The following SPATA17 variants were observed in gnomAD, a reference collection of about 807,000 sequenced individuals.
SPATA17 encodes spermatogenesis associated 17.
In SPATA17, 53 loss-of-function variants were observed where a neutral mutation model predicts 62.2. That is an observed-to-expected ratio of 0.85 (90% CI 0.68 to 1.07). SPATA17 has a LOEUF of 1.07. SPATA17 is among the 50% of genes least tolerant of loss of function. The pLI is 0.00. For missense variants in SPATA17, 466 were observed against 425.5 expected, an observed-to-expected ratio of 1.10 and a Z score of -0.84; for synonymous variants, 146 against 146.8, an observed-to-expected ratio of 0.99 and a Z score of 0.04.
intron 5 of SPATA17, among the ~76,000 whole-genome samples, chr1:217,738,233 T>G (rs2102945700): frequency 6.6e-6 from 1 of 152,326 alleles, no homozygotes; most frequent in East Asian, 1.9e-4. Context: ...TTTGCATGGT[T>G]CTTTTCTGTC....
At chr1:217,771,010 C>CTTTTTTTTTT (rs1673431947) in intron 6 of SPATA17, among the ~76,000 whole-genome samples, 2 of 8,318 alleles carry the variant, frequency 2.4e-4, no homozygotes, top group African/African-American at 7.7e-4. Context: ...TTTTTTTTTG[C>CTTTTTTTTTT]CTTTTGACGA....
rs539000189 is a variant in SPATA17, at chr1:217,856,622, C to T, written c.1006-6152C>T. ...AAATTTTTTTCTCTGGGAACATGTA[C>T]ACATGGTTTGATTGAAGAATGCATA... On this transcript the variant is annotated intron_variant, in intron 9 of 10. Coordinates refer to ENST00000366933, the MANE Select transcript of SPATA17 (RefSeq NM_138796.4). Among the ~76,000 whole-genome samples the T allele has an allele frequency of 5.3e-5, 8 of 152,308 alleles. No homozygotes were observed. In the South Asian group the frequency reaches 1.7e-3, roughly 32 times the overall value.
chr1:217,749,983 C>CTATA (rs1387385689), intron 6 of SPATA17, among the ~76,000 whole-genome samples: 91 of 24,058 alleles, frequency 3.8e-3, no homozygotes, highest in East Asian at 8.0e-3. Context: ...CTCTCTCTCT[C>CTATA]TCTATATATA....
intron 8 of SPATA17, among the ~76,000 whole-genome samples, chr1:217,799,168 A>G (rs1439635998): frequency 6.6e-6 from 1 of 152,150 alleles, no homozygotes; most frequent in East Asian, 1.9e-4. Context: ...ATTTTTGAGT[A>G]TACATACATG....
intron 9 of SPATA17, among the ~76,000 whole-genome samples, chr1:217,857,443 T>C (rs1430037307): frequency 2.0e-5 from 3 of 152,154 alleles, no homozygotes; most frequent in African/African-American, 7.2e-5. Flanking sequence ...TGGCTGGGCA[T>C]CCTAATAGCA....
chr1:217,778,743 C>G (rs944905518), intron 7 of SPATA17, among the ~76,000 whole-genome samples: 1 of 152,108 alleles, frequency 6.6e-6, no homozygotes, highest in South Asian at 2.1e-4. Flanking sequence ...CAACATTAAC[C>G]ATTAAACATG....
chr1:217,799,679 T>G (rs1053372666), intron 8 of SPATA17, among the ~76,000 whole-genome samples: 5 of 151,966 alleles, frequency 3.3e-5, no homozygotes, highest in African/African-American at 1.2e-4. Flanking sequence ...AAAAAGAAAT[T>G]GCAGAGAGGT....
At chr1:217,668,980 G>A in intron 3 of SPATA17, 53 bp from the exon 4 acceptor site, 1 of 1,421,712 alleles carries the variant, frequency 7.0e-7, no homozygotes, top group South Asian at 1.2e-5. Flanking sequence ...AAAATAGGCT[G>A]CACTGTCTTT....
At chr1:217,841,571 A>G (rs1675403387) in intron 9 of SPATA17, among the ~76,000 whole-genome samples, 1 of 151,880 alleles carries the variant, frequency 6.6e-6, no homozygotes, top group Non-Finnish European at 1.5e-5. Flanking sequence ...CTGAGTTTTG[A>G]TATCATGTTG....
chr1:217,766,235 C>T (rs1477939006), intron 6 of SPATA17, among the ~76,000 whole-genome samples: 1 of 151,462 alleles, frequency 6.6e-6, no homozygotes, highest in East Asian at 1.9e-4. Context: ...CATCTGTGCC[C>T]CTTGTTCTTT....
chr1:217,753,666 C>T (rs1347204157), intron 6 of SPATA17, among the ~76,000 whole-genome samples: 1 of 151,296 alleles, frequency 6.6e-6, no homozygotes, highest in Admixed American at 6.6e-5. Context: ...TATATATGTA[C>T]ATACATGTAT....
intron 5 of SPATA17, among the ~76,000 whole-genome samples, chr1:217,690,479 T>TA (rs139908932): frequency 0.65 from 94,780 of 146,534 alleles, 31,779 homozygotes; most frequent in African/African-American, 0.71. Flanking sequence ...TTTTATTTTT[T>TA]TTTTTTTTAA....
Position 217,714,488 on chromosome 1 carries a change from C to CTTTTTTTT in SPATA17, c.396-27480_396-27473dup, listed in dbSNP as rs750665329. On this transcript the variant is annotated intron_variant, in intron 5 of 10. Transcript: ENST00000366933. ...TGAGTTGAACGTGGAAAACGTGTTTCTTTTTTTTTTTTTTGAGACAGAGTC... is the reference window on the plus strand; with the variant it reads ...TGAGTTGAACGTGGAAAACGTGTTTCTTTTTTTTTTTTTTTTTTTTTTGAGACAGAGTC... 9.9e-5 allele frequency among the ~76,000 whole-genome samples: 12 copies of CTTTTTTTT among 121,414 alleles called. 1 individual carries two copies. Among genetic ancestry groups the CTTTTTTTT allele is most frequent in the African/African-American group, 3.3e-4 (10 of 30,692 alleles). The allele number at this position is 121,414 out of a possible 152,430, so 79.7% of individuals were successfully genotyped here. A position where few individuals can be genotyped will look rare whatever the true frequency, so the allele number is the denominator to read the frequency against.
chr1:217,690,439 T>G (rs1423520102), intron 5 of SPATA17, among the ~76,000 whole-genome samples: 2 of 146,592 alleles, frequency 1.4e-5, no homozygotes, highest in Non-Finnish European at 1.5e-5. Context: ...TATTTGGTCC[T>G]TTTTATTTTT....
intron 6 of SPATA17, among the ~76,000 whole-genome samples, chr1:217,754,387 A>C (rs1672992145): frequency 6.6e-6 from 1 of 152,168 alleles, no homozygotes; most frequent in Non-Finnish European, 1.5e-5. Context: ...ATAAAATCCA[A>C]ATCTTAGAAA....
intron 4 of SPATA17, among the ~76,000 whole-genome samples, chr1:217,671,803 T>C (rs756046973): frequency 2.6e-5 from 4 of 152,230 alleles, no homozygotes; most frequent in Admixed American, 2.6e-4. Flanking sequence ...TGTGAGGCTA[T>C]GTGGAGCACA....
chr1:217,844,868 A>T (rs1675488261), intron 9 of SPATA17, among the ~76,000 whole-genome samples: 1 of 152,116 alleles, frequency 6.6e-6, no homozygotes, highest in African/African-American at 2.4e-5. Context: ...ATCTGAGATC[A>T]GACTAATTCT....
chr1:217,748,090 T>G (rs1458512714), intron 6 of SPATA17, among the ~76,000 whole-genome samples: 1 of 151,128 alleles, frequency 6.6e-6, no homozygotes, highest in Non-Finnish European at 1.5e-5. Flanking sequence ...GATCACGAGG[T>G]CAGGAAATCG....
Position 217,774,448 on chromosome 1 carries a change from A to G in SPATA17, c.634A>G (p.Thr212Ala), listed in dbSNP as rs746746220. 7 of 1,614,142 alleles carry G rather than the reference A, an allele frequency of 4.3e-6. No homozygotes were observed. Among genetic ancestry groups the G allele is most frequent in the South Asian group, 3.3e-5 (3 of 91,080 alleles). ...ACCTAAAGTTAAGCAGAAGGACTCC[A>G]CCAGCCTTACTGATTGGCTAGCTTG... ...RRPKVKQKDS[T>A]SLTDWLACTS... is the part of the protein sequence containing the mutation. Residue 212 changes from threonine (T) to alanine (A), a missense_variant, in exon 7 of 11, where the codon ACC becomes GCC. Coordinates refer to ENST00000366933, the MANE Select transcript of SPATA17 (RefSeq NM_138796.4).
Sources: allele counts gnomAD v4.1 joint callset (sites outside exome capture counted in the v4.1 genomes callset), GRCh38; gene constraint gnomAD v4.1.1; transcripts MANE v1.5; gene names NCBI Gene and HGNC (gene_info 2026-07-23, HGNC 2026-07-21).